ANK2: variants seen among roughly 807,000 people sequenced by gnomAD.
ANK2 encodes the protein ankyrin 2.
Under a neutral mutation model 360.5 loss-of-function variants are expected in ANK2, and 83 were observed. That is an observed-to-expected ratio of 0.23 (90% CI 0.19 to 0.28). ANK2 has a LOEUF of 0.28. ANK2 is among the 10% of genes least tolerant of loss of function. The pLI is 1.00. For synonymous variants in ANK2, 1,740 were observed against 1,759.5 expected, an observed-to-expected ratio of 0.99 and a Z score of 0.28; for missense variants, 4,201 against 4,795.7, an observed-to-expected ratio of 0.88 and a Z score of 3.66.
chr4:113,369,914 C>A, intron 43 of ANK2, 109 bp downstream of exon 43: 2 of 1,370,044 alleles, frequency 1.5e-6, no homozygotes, highest in Non-Finnish European at 2.0e-6. Context: ...AAAAAGTTAA[C>A]CAAATTAATT....
chr4:112,894,129 A>T (rs2150721826), intron 1 of ANK2, among the ~76,000 whole-genome samples: 1 of 152,260 alleles, frequency 6.6e-6, no homozygotes, highest in South Asian at 2.1e-4. Context: ...AAACTCTGTG[A>T]TGTCCCATTT....
At chr4:113,064,593 A>G (rs1337664078) in intron 1 of ANK2, among the ~76,000 whole-genome samples, 1 of 152,204 alleles carries the variant, frequency 6.6e-6, no homozygotes, top group East Asian at 1.9e-4. Context: ...GTGCTTTGTG[A>G]AAAAGTACCA....
intron 13 of ANK2, among the ~76,000 whole-genome samples, 175 bp from the exon 14 acceptor site, chr4:113,264,722 C>CAAA (rs11452087): frequency 7.1e-6 from 1 of 141,800 alleles, no homozygotes; most frequent in Non-Finnish European, 1.5e-5. Flanking sequence ...AACTTTGTCT[C>CAAA]AAAAAAAAAA....
intron 1 of ANK2, chr4:112,881,944 T>C (rs757822484): frequency 2.3e-5 from 15 of 650,608 alleles, no homozygotes; most frequent in Admixed American, 1.2e-4. Context: ...ACGGCTGCCA[T>C]CTACCTCCTC....
chr4:113,305,289 G>A (rs1336701828), intron 23 of ANK2, among the ~76,000 whole-genome samples: 5 of 127,766 alleles, frequency 3.9e-5, no homozygotes, highest in South Asian at 2.5e-4. Flanking sequence ...GCAGTGAGCC[G>A]AGATCCCGCC....
At chr4:113,067,142 T>TA (rs2075922929) in intron 1 of ANK2, among the ~76,000 whole-genome samples, 1 of 150,132 alleles carries the variant, frequency 6.7e-6, no homozygotes, top group Admixed American at 6.6e-5. Flanking sequence ...GGCGAGATGT[T>TA]TTTTTGTCAC....
At chr4:112,948,543 G>A (rs967094879) in intron 2 of ANK2, among the ~76,000 whole-genome samples, 1 of 152,104 alleles carries the variant, frequency 6.6e-6, no homozygotes, top group Non-Finnish European at 1.5e-5. Context: ...TAACTGCCCT[G>A]ATTCAATGAA....
At chr4:113,200,803 C>T (rs542879148) in intron 4 of ANK2, among the ~76,000 whole-genome samples, 91 of 151,730 alleles carry the variant, frequency 6.0e-4, no homozygotes, top group African/African-American at 1.9e-3. Context: ...GTGCAGGTGT[C>T]GCATGTTCTC....
chr4:113,050,487 C>A (rs960189396), intron 1 of ANK2, among the ~76,000 whole-genome samples: 15 of 152,032 alleles, frequency 9.9e-5, no homozygotes, highest in Middle Eastern at 3.2e-3. Context: ...ATTCCCACAC[C>A]CTCGATTTTC....
At chr4:112,912,196 C>A (rs949068123) in intron 2 of ANK2, among the ~76,000 whole-genome samples, 3 of 150,330 alleles carry the variant, frequency 2.0e-5, no homozygotes, top group Admixed American at 6.6e-5. Context: ...AAAAAAGAAA[C>A]TGATGTGGCA....
intron 3 of ANK2, among the ~76,000 whole-genome samples, chr4:113,197,398 T>C (rs1441161339): frequency 6.6e-6 from 1 of 152,158 alleles, no homozygotes; most frequent in African/African-American, 2.4e-5. Context: ...TTTAAAAAAC[T>C]ATTATGAATG....
chr4:113,311,669 A>C (rs950116931), intron 24 of ANK2, among the ~76,000 whole-genome samples: 8 of 152,188 alleles, frequency 5.3e-5, no homozygotes, highest in Non-Finnish European at 5.9e-5. Flanking sequence ...AGTTCTCATC[A>C]TTTAAATGTG....
At chr4:113,364,896 G>T in intron 40 of ANK2, 143 bp from the exon 41 acceptor site, 1 of 1,065,806 alleles carries the variant, frequency 9.4e-7, no homozygotes, top group African/African-American at 1.6e-5. Context: ...TTTGTCTGTT[G>T]GCTTATTTTT....
chr4:112,813,385 A>G (rs1435660019), upstream of ANK2, among the ~76,000 whole-genome samples: 1 of 152,176 alleles, frequency 6.6e-6, no homozygotes, highest in East Asian at 1.9e-4. Context: ...ATGAAGCTCA[A>G]CAGAATAAAG....
Position 113,358,793 on chromosome 4 carries a change from C to G in ANK2, c.10175C>G (p.Ser3392Cys), listed in dbSNP as rs769340917. Residue 3392 changes from serine (S) to cysteine (C), a missense_variant, in exon 38 of 46, where the codon TCT (serine) becomes TGT (cysteine). Ser to Cys is a moderately radical substitution (Grantham distance 112). Around this residue, in one of 4 missense-constraint regions of ANK2, gnomAD observed 2,642 missense variants for 2,714.5 expected, o/e 0.97. Transcript: ENST00000357077. ...IAPDNRSKSE[S>C]DASSLDSKTK... ...CCAGATAATAGAAGCAAATCTGAAT[C>G]TGATGCTAGTTCTTTGGATTCAAAG... is the stretch of plus-strand genomic sequence containing the variant. The G allele has an allele frequency of 3.1e-6, 5 of 1,613,980 alleles. No individual in the cohort carries two copies. Among genetic ancestry groups the G allele is most frequent in the Non-Finnish European group, 4.2e-6 (5 of 1,179,980 alleles).
intron 1 of ANK2, among the ~76,000 whole-genome samples, chr4:113,056,299 C>A (rs1259033521): frequency 1.3e-5 from 2 of 152,102 alleles, no homozygotes; most frequent in Non-Finnish European, 2.9e-5. Flanking sequence ...ATTAAAAGTT[C>A]TTTTCCATAC....
At chr4:113,295,539 T>A (rs29322) in intron 22 of ANK2, among the ~76,000 whole-genome samples, 3 of 152,044 alleles carry the variant, frequency 2.0e-5, no homozygotes, top group Admixed American at 6.5e-5. Context: ...CTGGAAAAGA[T>A]GGGATGAAAA....
chr4:113,210,550 A>C (rs1374690719), intron 4 of ANK2, among the ~76,000 whole-genome samples: 1 of 152,212 alleles, frequency 6.6e-6, no homozygotes, highest in Non-Finnish European at 1.5e-5. Context: ...AGAGTCAGAT[A>C]AACTAGATTT....
intron 9 of ANK2, among the ~76,000 whole-genome samples, chr4:113,242,677 G>C (rs2040629047): frequency 6.6e-6 from 1 of 152,166 alleles, no homozygotes; most frequent in East Asian, 1.9e-4. Flanking sequence ...CTGAGCAGGG[G>C]ATTTGCTATT....
Sources: gnomAD v4.1 joint callset for allele counts (sites outside exome capture counted in the v4.1 genomes callset) on GRCh38, gnomAD v4.1.1 for gene constraint, gnomAD v4.1.1 regional missense constraint, MANE v1.5 for transcripts, NCBI Gene and HGNC (gene_info 2026-07-23, HGNC 2026-07-21) for gene names.